LRRIQ1: variants seen among roughly 807,000 people sequenced by gnomAD.
The protein encoded by LRRIQ1 is leucine-rich repeat- and IQ domain-containing protein 1.
Under a neutral mutation model 211.9 loss-of-function variants are expected in LRRIQ1, and 210 were observed. That is an observed-to-expected ratio of 0.99 (90% CI 0.89 to 1.11). The LOEUF (loss-of-function observed/expected upper bound fraction) is 1.11, where lower values mean the gene tolerates loss of function less well. LRRIQ1 is among the 50% of genes most tolerant of loss of function. The probability of loss-of-function intolerance (pLI) is 0.00; values close to 1 mark genes in which losing one functional copy is unlikely to be tolerated. For missense variants in LRRIQ1, 2,136 were observed against 1,939.5 expected, an observed-to-expected ratio of 1.10 and a Z score of -1.90; for synonymous variants, 699 against 650.1, an observed-to-expected ratio of 1.08 and a Z score of -1.14.
intron 6 of LRRIQ1, among the ~76,000 whole-genome samples, chr12:85,049,282 C>T (rs971774643): frequency 2.6e-5 from 4 of 152,154 alleles, no homozygotes; most frequent in Non-Finnish European, 5.9e-5. Context: ...TTCCTCCCCC[C>T]TCATTATTAG....
intron 24 of LRRIQ1, among the ~76,000 whole-genome samples, chr12:85,212,760 G>A (rs12578957): frequency 0.15 from 22,308 of 147,484 alleles, 3,368 homozygotes; most frequent in African/African-American, 0.39. Context: ...TTTATAATAC[G>A]TATCGAATAT....
Position 85,232,855 on chromosome 12 carries a change from C to A in LRRIQ1, c.5016+99C>A, listed in dbSNP as rs549275522. 5.0e-4 allele frequency: 400 copies of A among 804,442 alleles called. 1 individual carries two copies. The East Asian group carries it at 6.3e-3, about 13-fold the overall frequency. 49.8% of individuals were successfully genotyped at this position (804,442 alleles called of 1,614,324 possible). On this transcript the variant is annotated intron_variant, in intron 26 of 26. Transcript: ENST00000393217. ...GTTTATAATTAAACTATGAAAATATCACAACTGTATCTATTTGGGATAATA... is the reference window on the plus strand; with the variant it reads ...GTTTATAATTAAACTATGAAAATATAACAACTGTATCTATTTGGGATAATA...
At chr12:85,136,036 G>A (rs1889106226) in intron 18 of LRRIQ1, among the ~76,000 whole-genome samples, 1 of 151,810 alleles carries the variant, frequency 6.6e-6, no homozygotes, top group Non-Finnish European at 1.5e-5. Context: ...ATTATAGTTA[G>A]GACTATAGGA....
intron 1 of LRRIQ1, among the ~76,000 whole-genome samples, chr12:85,256,053 A>G (rs886916912): frequency 4.6e-5 from 7 of 151,724 alleles, no homozygotes; most frequent in Non-Finnish European, 1.0e-4. Context: ...TAAATGAGTC[A>G]ACAATTATTC....
chr12:85,092,118 A>G (rs1885454921), intron 11 of LRRIQ1, among the ~76,000 whole-genome samples: 2 of 152,218 alleles, frequency 1.3e-5, no homozygotes, highest in Non-Finnish European at 2.9e-5. Context: ...CTGCAAATAC[A>G]GATTAACATT....
intron 15 of LRRIQ1, among the ~76,000 whole-genome samples, chr12:85,110,519 T>G (rs1367240494): frequency 2.0e-5 from 3 of 152,240 alleles, no homozygotes; most frequent in Middle Eastern, 6.8e-3. Flanking sequence ...ACTCATGCAG[T>G]CTGGCTGCAA....
chr12:85,081,825 G>C (rs996489856), intron 11 of LRRIQ1, among the ~76,000 whole-genome samples: 5 of 148,702 alleles, frequency 3.4e-5, no homozygotes, highest in African/African-American at 1.2e-4. Context: ...CCAGTTTCAG[G>C]CTATTGTGCC....
At chr12:85,213,379 A>C (rs899438997) in intron 24 of LRRIQ1, among the ~76,000 whole-genome samples, 1 of 152,008 alleles carries the variant, frequency 6.6e-6, no homozygotes, top group Non-Finnish European at 1.5e-5. Context: ...CAAATTCCAC[A>C]ACTATATTGG....
chr12:85,212,764 C>T (rs570851348), intron 24 of LRRIQ1, among the ~76,000 whole-genome samples: 18 of 140,726 alleles, frequency 1.3e-4, no homozygotes, highest in African/African-American at 4.8e-4. Flanking sequence ...TAATACGTAT[C>T]GAATATATAT....
intron 15 of LRRIQ1, among the ~76,000 whole-genome samples, chr12:85,108,050 G>A (rs1254124195): frequency 1.3e-5 from 2 of 151,766 alleles, no homozygotes; most frequent in African/African-American, 4.8e-5. Context: ...ACTGATTCTG[G>A]ATCATATTTC....
intron 1 of LRRIQ1, among the ~76,000 whole-genome samples, chr12:85,253,991 G>A (rs1259016132): frequency 6.6e-6 from 1 of 152,034 alleles, no homozygotes; most frequent in Non-Finnish European, 1.5e-5. Flanking sequence ...TTGGATCACA[G>A]GGGAGGATTA....
intron 3 of LRRIQ1, among the ~76,000 whole-genome samples, chr12:85,041,608 A>G (rs563828265): frequency 4.4e-4 from 67 of 151,742 alleles, no homozygotes; most frequent in Non-Finnish European, 7.8e-4. Context: ...AACAGCAAGT[A>G]AACGTTTCTG....
At position 85,103,162 on chromosome 12, in the gene LRRIQ1, C is replaced by T. The variant is rs560592247; in HGVS notation, c.3210-842C>T. ...CCTTTATAGCTTTTGTTTCCAATGACGTGGGTATTTTTAATATCACTATTT... is the reference window on the plus strand; with the variant it reads ...CCTTTATAGCTTTTGTTTCCAATGATGTGGGTATTTTTAATATCACTATTT... On this transcript the variant is annotated intron_variant, in intron 13 of 26. Transcript: ENST00000393217. Among the ~76,000 whole-genome samples, 8 of 150,012 alleles carry T rather than the reference C, an allele frequency of 5.3e-5. No homozygotes were observed. The South Asian group carries it at 1.0e-3, about 20-fold the overall frequency.
Position 85,104,052 on chromosome 12 carries a change from A to C in LRRIQ1, c.3258A>C (p.Leu1086=). 6.4e-7 allele frequency: 1 copy of C among 1,561,210 alleles called. No homozygotes were observed. The highest frequency in any genetic ancestry group is 8.7e-7 in the Non-Finnish European group (1 of 1,152,940). ...TTCATTTTGTTTCATTGGAAAAGCTAGATGTCAGCCACAATTGTCTTTCTG... is the reference window on the plus strand; with the variant it reads ...TTCATTTTGTTTCATTGGAAAAGCTCGATGTCAGCCACAATTGTCTTTCTG... ...PLFHFVSLEK[L]DVSHNCLSDL... Residue 1086 remains leucine, a synonymous_variant, in exon 14 of 27, where the codon CTA becomes CTC. Coordinates refer to ENST00000393217, the MANE Select transcript of LRRIQ1 (RefSeq NM_001079910.2).
chr12:85,192,825 T>C (rs1182106712), intron 24 of LRRIQ1, among the ~76,000 whole-genome samples: 7 of 105,030 alleles, frequency 6.7e-5, no homozygotes, highest in African/African-American at 2.3e-4. Flanking sequence ...TAAATATATA[T>C]AGTTATATAC....
chr12:85,068,890 GA>G (rs1485210090), intron 10 of LRRIQ1, among the ~76,000 whole-genome samples: 1 of 149,978 alleles, frequency 6.7e-6, no homozygotes, highest in East Asian at 2.0e-4. Flanking sequence ...TAGTTTCAAT[GA>G]AATTGTTTCA....
intron 18 of LRRIQ1, among the ~76,000 whole-genome samples, chr12:85,128,348 C>T (rs774798075): frequency 6.6e-6 from 1 of 152,176 alleles, no homozygotes; most frequent in East Asian, 1.9e-4. Flanking sequence ...GCCTGTAATA[C>T]CAGCACTTTG....
At chr12:85,222,354 G>C (rs1490332239) in intron 24 of LRRIQ1, among the ~76,000 whole-genome samples, 2 of 152,122 alleles carry the variant, frequency 1.3e-5, no homozygotes, top group Admixed American at 6.6e-5. Context: ...AGATGGCAAG[G>C]GAAGAGGGGC....
chr12:85,067,276 A>G (rs1882538614), intron 10 of LRRIQ1, among the ~76,000 whole-genome samples: 2 of 151,548 alleles, frequency 1.3e-5, no homozygotes, highest in Admixed American at 6.6e-5. Flanking sequence ...TTTCATCACC[A>G]CTCTCATTAG....
Sources: gnomAD v4.1 joint callset for allele counts (sites outside exome capture counted in the v4.1 genomes callset) on GRCh38, gnomAD v4.1.1 for gene constraint, MANE v1.5 for transcripts, NCBI Gene and HGNC (gene_info 2026-07-23, HGNC 2026-07-21) for gene names.